Variants in LRRC27 observed in about 807,000 individuals in gnomAD.
LRRC27 encodes the protein leucine rich repeat containing 27.
Under a neutral mutation model 55.0 loss-of-function variants are expected in LRRC27, and 57 were observed. The observed-to-expected ratio is 1.04, with a 90% CI of 0.84 to 1.29. The LOEUF (loss-of-function observed/expected upper bound fraction) is 1.29. Ranked by LOEUF, LRRC27 falls within the 50% of genes most tolerant of loss-of-function variation. The pLI is 0.00. For synonymous variants in LRRC27, 278 were observed against 251.9 expected (o/e 1.10, Z -0.98); for missense variants, 721 against 651.5 (o/e 1.11, Z -1.16).
chr10:132,365,582 G>C, intron 10 of LRRC27, 32 bp downstream of exon 10: 1 of 1,605,038 alleles, frequency 6.2e-7, no homozygotes. Context: ...TTAAAAAAGT[G>C]TGGGGTGTTT....
At chr10:132,364,373 C>CCACCCTTACATCTACCTCCA (rs1564852912) in intron 9 of LRRC27, among the ~76,000 whole-genome samples, 33 of 21,024 alleles carry the variant, frequency 1.6e-3, no homozygotes, top group East Asian at 0.04. Context: ...GCGCTTACAC[C>CCACCCTTACATCTACCTCCA]CACCCACACT....
Position 132,365,552 on chromosome 10 carries a change from T to G in LRRC27, c.1416+2T>G. On this transcript the variant is annotated splice_donor_variant, in intron 10 of 10. Transcript: ENST00000368614. LOFTEE classifies it high-confidence loss of function. ...AAGGCTGCCGAGGATCTGGAAATTGTAAGGATTTCTTGGTTCTGTTTAAAA... is the reference window on the plus strand; with the variant it reads ...AAGGCTGCCGAGGATCTGGAAATTGGAAGGATTTCTTGGTTCTGTTTAAAA... 6.2e-7 allele frequency: 1 copy of G among 1,612,858 alleles called. No homozygotes were observed. The highest frequency in any genetic ancestry group is 1.1e-5 in the South Asian group (1 of 90,946).
intron 8 of LRRC27, among the ~76,000 whole-genome samples, chr10:132,358,070 A>G (rs1253445294): frequency 6.6e-6 from 1 of 152,234 alleles, no homozygotes; most frequent in African/African-American, 2.4e-5. Flanking sequence ...TCAGAGTCCA[A>G]GGGAAAATCT....
chr10:132,344,324 G>A (rs185422211), intron 4 of LRRC27, among the ~76,000 whole-genome samples, 174 bp from the exon 5 acceptor site: 21 of 152,246 alleles, frequency 1.4e-4, no homozygotes, highest in Admixed American at 5.9e-4. Context: ...TGCGGAATCC[G>A]TCTCCTGCAG....
intron 5 of LRRC27, chr10:132,344,857 T>G (rs1286782145): frequency 2.1e-6 from 1 of 475,254 alleles, no homozygotes; most frequent in African/African-American, 1.9e-5. Flanking sequence ...CTGGGCACAT[T>G]ATAGATCCTG....
chr10:132,365,726 C>T (rs796938309), intron 10 of LRRC27, among the ~76,000 whole-genome samples, 176 bp downstream of exon 10: 1 of 152,194 alleles, frequency 6.6e-6, no homozygotes, highest in African/African-American at 2.4e-5. Flanking sequence ...CTCAGCCTCC[C>T]GAGTAGCTGG....
At position 132,374,678 on chromosome 10, in the gene LRRC27, G is replaced by A. The variant is rs565661900; in HGVS notation, c.1417-388G>A. Among the ~76,000 whole-genome samples the A allele has an allele frequency of 2.0e-5, 3 of 152,290 alleles. No homozygotes were observed. Among genetic ancestry groups the A allele is most frequent in the Admixed American group, 1.3e-4 (2 of 15,308 alleles). ...TGTGGTCTTGGCTGTGGTGATGCTT[G>A]CCAAGACACTGCCCGGGGTGTGGCA... is the stretch of plus-strand genomic sequence containing the variant. On this transcript the variant is annotated intron_variant, in intron 10 of 10. Transcript: ENST00000368614. The surrounding 1 kb of genome is among the most constrained non-coding windows in gnomAD (Gnocchi z 4.4).
chr10:132,354,781 G>A (rs973097731), intron 7 of LRRC27, among the ~76,000 whole-genome samples: 8 of 152,190 alleles, frequency 5.3e-5, no homozygotes, highest in East Asian at 1.9e-4. Context: ...GGGCCCAGGC[G>A]TCCAGGATGA....
In LRRC27 at chr10:132,347,938, G is replaced by A. The variant is rs775760263; in HGVS notation, c.554-46G>A. On this transcript the variant is annotated intron_variant, in intron 5 of 10. Transcript: ENST00000368614. ...CTGGCTTTTTGAATAAGTCACAGAG[G>A]GATGGCGTTGATGGTAGCTACTAAA... 2.6e-5 allele frequency: 40 copies of A among 1,539,204 alleles called. No homozygotes were observed. In the Admixed American group the frequency reaches 6.9e-4, roughly 26 times the overall value.
Position 132,344,514 on chromosome 10 carries a change from G to A in LRRC27, c.417G>A (p.Leu139=). The A allele has an allele frequency of 6.2e-7, 1 of 1,613,442 alleles. No homozygotes were observed. The highest frequency in any genetic ancestry group is 8.5e-7 in the Non-Finnish European group (1 of 1,179,472). The change falls in exon 5 of 11, where the codon CTG becomes CTA. Residue 139 remains leucine, a synonymous_variant. Coordinates refer to ENST00000368614, the MANE Select transcript of LRRC27 (RefSeq NM_030626.3). The part of the protein sequence containing the change: ...LPVELGSVTT[L]KALNLRHCPL... ...CCACTGCAGGGAGCGTAACCACGCT[G>A]AAAGCACTGAACCTAAGACACTGCC... is the stretch of plus-strand genomic sequence containing the variant.
chr10:132,350,897 C>A (rs1368917730), intron 6 of LRRC27: 1 of 152,270 alleles, frequency 6.6e-6, no homozygotes, highest in Admixed American at 6.5e-5. Flanking sequence ...TATCTCCAGC[C>A]TGGTTTTCCC....
At chr10:132,347,840 T>G in intron 5 of LRRC27, 144 bp from the exon 6 acceptor site, 1 of 1,011,708 alleles carries the variant, frequency 9.9e-7, no homozygotes, top group Non-Finnish European at 1.5e-6. Context: ...GTGACGGGAA[T>G]TGTTTGGATT....
In LRRC27 at chr10:132,364,517, T is replaced by TTACACCCA. The variant is rs1564853870; in HGVS notation, c.1290-907_1290-906insTACACCCA. 1.2e-3 allele frequency among the ~76,000 whole-genome samples: 10 copies of TTACACCCA among 8,180 alleles called. 2 individuals are homozygous for TTACACCCA. The highest frequency in any genetic ancestry group is 1.7e-3 in the Admixed American group (1 of 596). 5.4% of individuals were successfully genotyped at this position (8,180 alleles called of 152,430 possible). ...CCCACCCTTACATCTACCTCCACAC[T>TTACACCCA]CGCACTTACACCCACACTTAAATCT... On this transcript the variant is annotated intron_variant, in intron 9 of 10. Coordinates refer to ENST00000368614, the MANE Select transcript of LRRC27 (RefSeq NM_030626.3).
intron 4 of LRRC27, 87 bp from the exon 5 acceptor site, chr10:132,344,411 A>T (rs1371098184): frequency 8.9e-6 from 12 of 1,343,782 alleles, no homozygotes. Context: ...ATATTTTAAA[A>T]TGTGAAAAGT....
At chr10:132,337,154 C>G (rs2067174911) in intron 2 of LRRC27, 1 of 1,190,720 alleles carries the variant, frequency 8.4e-7, no homozygotes. Context: ...CCAGACATGG[C>G]TCTGGCTATT....
At chr10:132,332,055 C>A (rs929159458), upstream of LRRC27, 1 of 325,922 alleles carries the variant, frequency 3.1e-6, no homozygotes, top group Non-Finnish European at 5.6e-6. Flanking sequence ...CACAAACCCC[C>A]ACAACACGCA....
chr10:132,360,974 C>A (rs1394275156), intron 8 of LRRC27, among the ~76,000 whole-genome samples: 1 of 152,212 alleles, frequency 6.6e-6, no homozygotes, highest in Non-Finnish European at 1.5e-5. Flanking sequence ...GTCACGCCGC[C>A]GTTGGGGTGC....
At chr10:132,355,180 A>G (rs1233438590) in intron 7 of LRRC27, among the ~76,000 whole-genome samples, 1 of 152,044 alleles carries the variant, frequency 6.6e-6, no homozygotes, top group African/African-American at 2.4e-5. Flanking sequence ...GGTTCAAGCA[A>G]TTCTCCTGCC....
Position 132,375,111 on chromosome 10 carries a change from AC to A in LRRC27, c.1464del (p.Leu489Ter). 6.2e-7 allele frequency: 1 copy of A among 1,614,018 alleles called. No individual in the cohort carries two copies. Among genetic ancestry groups the A allele is most frequent in the Non-Finnish European group, 8.5e-7 (1 of 1,179,938 alleles). ...AGTATTGAAGCTAAAATTGGGATTA[AC>A]CTTGAACAAAGATCGTCGACGGGCG... ...DEVLKLKLGL[T>X]LNKDRRRAAL... On this transcript the variant is annotated frameshift_variant, in exon 11 of 11. Transcript: ENST00000368614. LOFTEE classifies it low-confidence loss of function (END_TRUNC).
Sources: allele counts gnomAD v4.1 joint callset (sites outside exome capture counted in the v4.1 genomes callset), GRCh38; gene constraint gnomAD v4.1.1; non-coding constraint Gnocchi (gnomAD v3.1); transcripts MANE v1.5; gene names NCBI Gene and HGNC (gene_info 2026-07-23, HGNC 2026-07-21).